The following GET1 variants were observed in gnomAD, a reference collection of about 807,000 sequenced individuals.
GET1 encodes congenital heart disease 5 protein.
GET1 carries 20 observed loss-of-function variants against 22.6 expected under a neutral mutation model. The ratio of observed to expected loss-of-function variants is 0.89; its 90% confidence interval spans 0.62 to 1.29. The LOEUF is 1.29. Ranked by LOEUF, GET1 falls within the 50% of genes most tolerant of loss-of-function variation. The probability of loss-of-function intolerance (pLI) is 0.00; values close to 1 mark genes in which losing one functional copy is unlikely to be tolerated. For synonymous variants in GET1, 92 were observed against 83.8 expected (o/e 1.10, Z -0.53); for missense variants, 209 against 219.9 (o/e 0.95, Z 0.31).
At chr21:39,419,826 A>G (rs1419750586) in intron 1 of GET1, among the ~76,000 whole-genome samples, 2 of 152,206 alleles carry the variant, frequency 1.3e-5, no homozygotes, top group Non-Finnish European at 2.9e-5. Flanking sequence ...CATCTTATCT[A>G]AATTGTTGGA....
At chr21:39,428,375 C>G in exon 2 of GET1, 1 of 1,613,330 alleles carries the variant, frequency 6.2e-7, no homozygotes, top group Non-Finnish European at 8.5e-7. Context: ...ATTACTGTTC[C>G]GTGAAAAATC....
intron 1 of GET1, among the ~76,000 whole-genome samples, chr21:39,387,157 A>G (rs950736688): frequency 6.6e-6 from 1 of 152,134 alleles, no homozygotes; most frequent in African/African-American, 2.4e-5. Flanking sequence ...TGGCTCAGAC[A>G]GTTTTTATTG....
intron 1 of GET1, among the ~76,000 whole-genome samples, chr21:39,383,115 G>A (rs11701047): frequency 0.65 from 98,552 of 151,100 alleles, 32,690 homozygotes; most frequent in East Asian, 0.78. Context: ...CACCACAACC[G>A]GCTAATTTTT....
chr21:39,390,216 G>T (rs1023292124), intron 1 of GET1, among the ~76,000 whole-genome samples: 1 of 152,096 alleles, frequency 6.6e-6, no homozygotes, highest in Non-Finnish European at 1.5e-5. Flanking sequence ...CAAAAGCAGT[G>T]GCAGGGGAGT....
At chr21:39,417,920 C>T (rs1197076423) in intron 1 of GET1, among the ~76,000 whole-genome samples, 1 of 152,124 alleles carries the variant, frequency 6.6e-6, no homozygotes, top group African/African-American at 2.4e-5. Flanking sequence ...TGCCCGCCAC[C>T]ATGCCTGGTT....
At chr21:39,398,262 C>T (rs751627637), downstream of GET1, among the ~76,000 whole-genome samples, 8 of 152,150 alleles carry the variant, frequency 5.3e-5, no homozygotes, top group Non-Finnish European at 1.2e-4. Flanking sequence ...ACTAGTCCTT[C>T]AGACGAAATA....
At chr21:39,425,560 A>G (rs926208929) in intron 1 of GET1, among the ~76,000 whole-genome samples, 1 of 152,166 alleles carries the variant, frequency 6.6e-6, no homozygotes, top group Non-Finnish European at 1.5e-5. Flanking sequence ...CCTCTAGGAC[A>G]TCTACTAGAA....
At chr21:39,425,121 G>A (rs749763226) in intron 1 of GET1, among the ~76,000 whole-genome samples, 1 of 152,182 alleles carries the variant, frequency 6.6e-6, no homozygotes, top group Non-Finnish European at 1.5e-5. Flanking sequence ...TCTAGATTCG[G>A]AGAAGGAGAA....
chr21:39,412,897 C>T (rs963684061), intron 1 of GET1, among the ~76,000 whole-genome samples: 4 of 152,138 alleles, frequency 2.6e-5, no homozygotes, highest in African/African-American at 9.7e-5. Context: ...CTTCCCTTAC[C>T]CTTGCAACCA....
chr21:39,397,438 G>C lies in GET1; in HGVS notation c.*499G>C, dbSNP rs1277844584. The C allele has an allele frequency of 6.5e-6, 1 of 153,634 alleles. No homozygotes were observed. The highest frequency in any genetic ancestry group is 2.0e-4 in the South Asian group (1 of 4,932). 9.5% of individuals were successfully genotyped at this position (153,634 alleles called of 1,614,324 possible). A position where few individuals can be genotyped will look rare whatever the true frequency, so the allele number is the denominator to read the frequency against. On this transcript the variant is annotated 3_prime_UTR_variant, in exon 5 of 5. Coordinates refer to ENST00000649170, the MANE Select transcript of GET1 (RefSeq NM_004627.6). The stretch of plus-strand genomic sequence containing the variant: ...AAAGAACAACACTAATTGACATTGC[G>C]TGGGCTTTTTCTCCCTTTGTTTAAA...
intron 1 of GET1, chr21:39,423,555 G>T: frequency 7.3e-7 from 1 of 1,377,058 alleles, no homozygotes; most frequent in Non-Finnish European, 9.7e-7. Flanking sequence ...ATGCACATAT[G>T]CATAATCTCT....
chr21:39,415,937 TG>T (rs2041067117), intron 1 of GET1, among the ~76,000 whole-genome samples: 1 of 152,174 alleles, frequency 6.6e-6, no homozygotes, highest in Admixed American at 6.5e-5. Flanking sequence ...TTCGGTTCGT[TG>T]GCATGAGTAG....
chr21:39,400,898 A>G (rs2038822906), downstream of GET1, among the ~76,000 whole-genome samples: 1 of 151,470 alleles, frequency 6.6e-6, no homozygotes, highest in Non-Finnish European at 1.5e-5. Context: ...TATGTTGGCC[A>G]AATTCTTTTC....
At chr21:39,427,933 G>C in intron 1 of GET1, 1 of 306,634 alleles carries the variant, frequency 3.3e-6, no homozygotes, top group Middle Eastern at 9.7e-4. Flanking sequence ...CTCACTAGTA[G>C]GCTCCAGTAG....
chr21:39,395,444 A>G (rs140431160), intron 4 of GET1, among the ~76,000 whole-genome samples: 2,171 of 151,748 alleles, frequency 0.014, 51 homozygotes, highest in African/African-American at 0.05. Context: ...TGCTCACTGC[A>G]ACTTCCACCT....
intron 4 of GET1, among the ~76,000 whole-genome samples, chr21:39,395,504 A>G (rs1363728467): frequency 6.6e-6 from 1 of 152,020 alleles, no homozygotes; most frequent in East Asian, 1.9e-4. Flanking sequence ...AGCTGGGATT[A>G]CAGGTGCCCA....
intron 1 of GET1, among the ~76,000 whole-genome samples, chr21:39,417,915 G>A (rs377749542): frequency 2.1e-3 from 313 of 152,124 alleles, no homozygotes; most frequent in South Asian, 4.6e-3. Flanking sequence ...ACAGGTGCCC[G>A]CCACCATGCC....
chr21:39,389,780 T>A (rs1290904966), intron 1 of GET1, among the ~76,000 whole-genome samples: 1 of 152,184 alleles, frequency 6.6e-6, no homozygotes, highest in East Asian at 1.9e-4. Context: ...GCACTGACAT[T>A]CTGCCCTGGG....
chr21:39,414,742 C>CTCTCTGTGTGTGTG (rs1341489035), intron 1 of GET1, among the ~76,000 whole-genome samples: 40 of 99,224 alleles, frequency 4.0e-4, no homozygotes, highest in African/African-American at 1.3e-3. Context: ...CTCTCTCTCT[C>CTCTCTGTGTGTGTG]TGTGTGTGTG....
Sources: allele counts gnomAD v4.1 joint callset (sites outside exome capture counted in the v4.1 genomes callset), GRCh38; gene constraint gnomAD v4.1.1; transcripts MANE v1.5; gene names NCBI Gene and HGNC (gene_info 2026-07-23, HGNC 2026-07-21).